FHIT: variants seen among roughly 807,000 people sequenced by gnomAD.
FHIT encodes the protein bis(5'-adenosyl)-triphosphatase.
In FHIT, 19 loss-of-function variants were observed where a neutral mutation model predicts 17.9. The ratio of observed to expected loss-of-function variants is 1.06; its 90% CI spans 0.74 to 1.56. The LOEUF is 1.56. Ranked by LOEUF, FHIT falls within the 40% of genes most tolerant of loss-of-function variation. The probability of loss-of-function intolerance (pLI) is 0.00; values close to 1 mark genes in which losing one functional copy is unlikely to be tolerated. For missense variants in FHIT, 248 were observed against 189.2 expected, an observed-to-expected ratio of 1.31 and a Z score of -1.82; for synonymous variants, 81 against 69.7, an observed-to-expected ratio of 1.16 and a Z score of -0.81.
chr3:59,801,685 A>G (rs1699999030), intron 8 of FHIT, among the ~76,000 whole-genome samples: 2 of 152,070 alleles, frequency 1.3e-5, no homozygotes, highest in Non-Finnish European at 2.9e-5. Context: ...GCATAATCCC[A>G]CCAGCTCCTT....
chr3:59,905,382 T>C (rs574548295), intron 8 of FHIT, among the ~76,000 whole-genome samples: 3 of 152,128 alleles, frequency 2.0e-5, no homozygotes, highest in Admixed American at 2.0e-4. Flanking sequence ...AGACCAGGGG[T>C]CAGAATAGGG....
intron 3 of FHIT, among the ~76,000 whole-genome samples, chr3:60,904,585 T>A (rs1444575361): frequency 1.3e-5 from 2 of 151,958 alleles, no homozygotes; most frequent in African/African-American, 2.4e-5. Context: ...ATTAAGTGCA[T>A]GATAGGAGAA....
At chr3:60,788,766 A>T (rs560584012) in intron 4 of FHIT, among the ~76,000 whole-genome samples, 40 of 152,354 alleles carry the variant, frequency 2.6e-4, no homozygotes, top group African/African-American at 9.6e-4. Context: ...ACACATTTGC[A>T]TAAGATTCTG....
intron 5 of FHIT, among the ~76,000 whole-genome samples, chr3:60,414,159 T>G (rs1031417124): frequency 1.7e-4 from 26 of 152,272 alleles, no homozygotes; most frequent in African/African-American, 6.0e-4. Context: ...GAGCTCTAAC[T>G]TAAACATATA....
intron 1 of FHIT, among the ~76,000 whole-genome samples, chr3:61,214,183 AC>A (rs1167087931): frequency 2.6e-5 from 4 of 152,224 alleles, no homozygotes; most frequent in African/African-American, 7.2e-5. Context: ...AAATAGAGAC[AC>A]AAAAAACCCT....
At chr3:60,830,737 T>G (rs1305261505) in intron 3 of FHIT, among the ~76,000 whole-genome samples, 1 of 152,136 alleles carries the variant, frequency 6.6e-6, no homozygotes, top group Non-Finnish European at 1.5e-5. Context: ...AGAAATCAAT[T>G]TAAAAGAAAT....
chr3:60,352,259 G>A (rs866225651), intron 5 of FHIT, among the ~76,000 whole-genome samples: 1 of 152,146 alleles, frequency 6.6e-6, no homozygotes, highest in Non-Finnish European at 1.5e-5. Context: ...TATGCTAGGA[G>A]ATTTTAAGCA....
At chr3:61,127,909 G>T (rs566771556) in intron 2 of FHIT, among the ~76,000 whole-genome samples, 1 of 151,532 alleles carries the variant, frequency 6.6e-6, no homozygotes, top group Admixed American at 6.6e-5. Context: ...TTCCTACTTT[G>T]CTCTACACAT....
intron 4 of FHIT, among the ~76,000 whole-genome samples, chr3:60,714,478 A>G (rs2041627130): frequency 6.6e-6 from 1 of 152,198 alleles, no homozygotes. Context: ...CAATTAGGAA[A>G]AGAGGAAGTC....
chr3:60,277,680 A>C (rs1707221648), intron 5 of FHIT, among the ~76,000 whole-genome samples: 1 of 151,872 alleles, frequency 6.6e-6, no homozygotes, highest in African/African-American at 2.4e-5. Flanking sequence ...CTGCCTATAA[A>C]CTCCAATGCA....
chr3:59,893,715 C>A (rs941683356), intron 8 of FHIT, among the ~76,000 whole-genome samples: 5 of 152,228 alleles, frequency 3.3e-5, no homozygotes, highest in Non-Finnish European at 7.3e-5. Flanking sequence ...ATAGTTCAAC[C>A]ATTTTCCCCC....
At chr3:60,610,094 C>T (rs2038738927) in intron 4 of FHIT, among the ~76,000 whole-genome samples, 1 of 152,130 alleles carries the variant, frequency 6.6e-6, no homozygotes, top group Admixed American at 6.6e-5. Context: ...TATATTTATG[C>T]ATATGAGTTT....
intron 4 of FHIT, among the ~76,000 whole-genome samples, chr3:60,573,026 C>T (rs1258136693): frequency 6.6e-6 from 1 of 152,128 alleles, no homozygotes; most frequent in African/African-American, 2.4e-5. Flanking sequence ...CAAAATATCC[C>T]AAGTTACAAA....
intron 5 of FHIT, among the ~76,000 whole-genome samples, chr3:60,081,271 G>T (rs1156897528): frequency 1.3e-5 from 2 of 152,078 alleles, no homozygotes; most frequent in African/African-American, 2.4e-5. Flanking sequence ...GTTTTGGGGG[G>T]TGGTTCTGCA....
rs559389059 is a variant in FHIT, at chr3:60,844,455, A to G, written c.-110-22444T>C. On this transcript the variant is annotated intron_variant, in intron 3 of 9. Coordinates refer to ENST00000492590, the MANE Select transcript of FHIT (RefSeq NM_002012.4). ...TCCACAGTTGTAAAGGCCCGATGAT[A>G]AAACCTGTTTCCTAAGACTTCCCCA... Among the ~76,000 whole-genome samples, 118 of 152,256 alleles carry G rather than the reference A, an allele frequency of 7.8e-4. 1 individual carries two copies. The highest frequency in any genetic ancestry group is 1.4e-3 in the Non-Finnish European group (94 of 67,986).
At chr3:60,148,987 C>T (rs1468587835) in intron 5 of FHIT, among the ~76,000 whole-genome samples, 1 of 152,156 alleles carries the variant, frequency 6.6e-6, no homozygotes, top group Non-Finnish European at 1.5e-5. Context: ...TGCCTCCTTC[C>T]ACCATCAAGA....
At chr3:60,637,708 G>C (rs1486793941) in intron 4 of FHIT, among the ~76,000 whole-genome samples, 2 of 152,144 alleles carry the variant, frequency 1.3e-5, no homozygotes, top group Non-Finnish European at 2.9e-5. Flanking sequence ...CATATATACA[G>C]TATGTGGTAA....
intron 5 of FHIT, among the ~76,000 whole-genome samples, chr3:60,357,734 CA>C (rs1699735668): frequency 6.6e-6 from 1 of 152,152 alleles, no homozygotes; most frequent in Admixed American, 6.5e-5. Flanking sequence ...TATTGATACA[CA>C]TATTTAACAT....
chr3:59,830,653 T>C (rs1701132329), intron 8 of FHIT, among the ~76,000 whole-genome samples: 1 of 152,214 alleles, frequency 6.6e-6, no homozygotes. Flanking sequence ...AAACATTCAA[T>C]GCAATATCAT....
Sources: gnomAD v4.1 joint callset for allele counts (sites outside exome capture counted in the v4.1 genomes callset) on GRCh38, gnomAD v4.1.1 for gene constraint, MANE v1.5 for transcripts, NCBI Gene and HGNC (gene_info 2026-07-23, HGNC 2026-07-21) for gene names.